GALNT13: variants seen among roughly 807,000 people sequenced by gnomAD.
GALNT13 encodes the protein polypeptide N-acetylgalactosaminyltransferase 13.
GALNT13 carries 28 observed loss-of-function variants against 64.2 expected under a neutral mutation model. The ratio of observed to expected loss-of-function variants is 0.44; its 90% CI spans 0.32 to 0.60. The LOEUF is 0.60. Ranked by LOEUF, GALNT13 falls within the 20% of genes least tolerant of loss-of-function variation. The pLI, the probability that GALNT13 is intolerant of heterozygous loss-of-function variation, is 0.05. For synonymous variants in GALNT13, 214 were observed against 224.6 expected (o/e 0.95, Z 0.42); for missense variants, 577 against 669.8 (o/e 0.86, Z 1.53).
chr2:153,999,039 G>GA (rs1224860164), intron 3 of GALNT13, among the ~76,000 whole-genome samples: 1 of 152,006 alleles, frequency 6.6e-6, no homozygotes, highest in African/African-American at 2.4e-5. Flanking sequence ...CACGGAATTA[G>GA]AAAAAACTAC....
chr2:154,258,276 C>T (rs755267561), intron 7 of GALNT13, among the ~76,000 whole-genome samples: 4 of 152,244 alleles, frequency 2.6e-5, no homozygotes, highest in East Asian at 1.9e-4. Context: ...CATCTGACTT[C>T]TCAGCTCCCA....
At chr2:153,145,893 A>G in the GALNT13 span, among the ~76,000 whole-genome samples, 2 of 151,926 alleles carry the variant, frequency 1.3e-5, no homozygotes, top group African/African-American at 4.8e-5. Context: ...GATTTCTGGA[A>G]CTCAACATAA....
chr2:154,242,043 G>T lies in GALNT13; in HGVS notation c.325G>T (p.Val109Phe). The T allele has an allele frequency of 1.9e-6, 3 of 1,598,794 alleles. No individual in the cohort carries two copies. Among genetic ancestry groups the T allele is most frequent in the Non-Finnish European group, 8.5e-7 (1 of 1,173,420 alleles). ...DVRLEGCKTKVYPDELPNTSV... is the reference protein window; with the variant it reads ...DVRLEGCKTKFYPDELPNTSV... ...TCTCTTTTTCAGATGTAAGACAAAAGTCTACCCTGATGAACTTCCAAACAC... is the reference window on the plus strand; with the variant it reads ...TCTCTTTTTCAGATGTAAGACAAAATTCTACCCTGATGAACTTCCAAACAC... Residue 109 changes from valine to phenylalanine, a missense_variant, in exon 5 of 13, where the codon GTC becomes TTC. Val to Phe is a conservative substitution (Grantham distance 50, BLOSUM62 -1). Coordinates refer to ENST00000392825, the MANE Select transcript of GALNT13 (RefSeq NM_052917.4).
chr2:153,073,313 T>A, the GALNT13 span, among the ~76,000 whole-genome samples: 1 of 151,994 alleles, frequency 6.6e-6, no homozygotes, highest in African/African-American at 2.4e-5. Context: ...TCTATTTATT[T>A]TTATTTCTAG....
the GALNT13 span, among the ~76,000 whole-genome samples, chr2:153,425,226 T>C: frequency 6.6e-6 from 1 of 151,462 alleles, no homozygotes; most frequent in African/African-American, 2.4e-5. Context: ...TTTGAAAAAA[T>C]AGAGAAAATT....
At chr2:153,850,831 A>T in the GALNT13 span, among the ~76,000 whole-genome samples, 1 of 152,158 alleles carries the variant, frequency 6.6e-6, no homozygotes, top group African/African-American at 2.4e-5. Context: ...AGCAACAGAA[A>T]GTAGAAGTAA....
At chr2:153,900,167 G>A (rs1048821005) in intron 1 of GALNT13, among the ~76,000 whole-genome samples, 4 of 151,714 alleles carry the variant, frequency 2.6e-5, no homozygotes, top group African/African-American at 9.7e-5. Context: ...TCATTAGGTT[G>A]TATTTTATTA....
chr2:153,237,212 T>C, the GALNT13 span, among the ~76,000 whole-genome samples: 1 of 152,014 alleles, frequency 6.6e-6, no homozygotes, highest in African/African-American at 2.4e-5. Flanking sequence ...AAAATTTTTT[T>C]GGGTACATAG....
At chr2:153,519,495 C>CT in the GALNT13 span, among the ~76,000 whole-genome samples, 66 of 152,046 alleles carry the variant, frequency 4.3e-4, no homozygotes, top group Admixed American at 7.9e-4. Flanking sequence ...GAAGCATTGT[C>CT]TTTTTTTTCT....
At chr2:153,523,650 G>T in the GALNT13 span, among the ~76,000 whole-genome samples, 2 of 152,104 alleles carry the variant, frequency 1.3e-5, no homozygotes, top group Non-Finnish European at 2.9e-5. Context: ...ATTGACTTTT[G>T]TATATTAACC....
chr2:154,242,831 A>T lies in GALNT13; in HGVS notation c.612A>T (p.Ile204=), dbSNP rs1689569727. 6.2e-7 allele frequency: 1 copy of T among 1,614,042 alleles called. No individual in the cohort carries two copies. The highest frequency in any genetic ancestry group is 1.3e-5 in the African/African-American group (1 of 74,928). ...RGAAASKGQV[I]TFLDAHCECT... Reference sequence around the variant, plus strand: ...CAGCTGCTTCAAAAGGGCAGGTCATAACTTTTCTTGATGCACACTGTGAAT... The same window carrying T: ...CAGCTGCTTCAAAAGGGCAGGTCATTACTTTTCTTGATGCACACTGTGAAT... Residue 204 remains isoleucine (I), a synonymous_variant, in exon 6 of 13, where the codon ATA becomes ATT. Transcript: ENST00000392825.
At chr2:154,392,815 T>C (rs1424796975) in intron 9 of GALNT13, among the ~76,000 whole-genome samples, 3 of 152,166 alleles carry the variant, frequency 2.0e-5, no homozygotes, top group Admixed American at 6.5e-5. Context: ...TAGAGGAATG[T>C]AAAATGTTTT....
At chr2:154,225,129 TA>T (rs373668200) in intron 4 of GALNT13, among the ~76,000 whole-genome samples, 71 of 109,496 alleles carry the variant, frequency 6.5e-4, no homozygotes, top group African/African-American at 2.1e-3. Context: ...GATAGATAGA[TA>T]GATAGATAGA....
the GALNT13 span, among the ~76,000 whole-genome samples, chr2:153,126,133 A>G: frequency 6.6e-6 from 1 of 151,436 alleles, no homozygotes; most frequent in South Asian, 2.1e-4. Context: ...CCACCAATAA[A>G]TCTTTAATAA....
chr2:154,342,618 C>A (rs538627500), intron 9 of GALNT13, among the ~76,000 whole-genome samples: 5 of 152,064 alleles, frequency 3.3e-5, no homozygotes, highest in African/African-American at 1.2e-4. Context: ...TTAATTACAA[C>A]ACACATGCTT....
chr2:153,242,836 A>G, the GALNT13 span, among the ~76,000 whole-genome samples: 2 of 152,212 alleles, frequency 1.3e-5, no homozygotes, highest in African/African-American at 4.8e-5. Context: ...GGCACCACAG[A>G]CCCCATTCTG....
chr2:153,819,312 C>T, the GALNT13 span, among the ~76,000 whole-genome samples: 1 of 152,164 alleles, frequency 6.6e-6, no homozygotes, highest in East Asian at 1.9e-4. Context: ...CCATGGCTGT[C>T]AATCACATTG....
At chr2:154,059,936 TG>T (rs1700086141) in intron 3 of GALNT13, among the ~76,000 whole-genome samples, 1 of 152,162 alleles carries the variant, frequency 6.6e-6, no homozygotes, top group Non-Finnish European at 1.5e-5. Flanking sequence ...TGAATTTTTG[TG>T]TCCTCCAAAA....
chr2:153,552,140 A>G, the GALNT13 span, among the ~76,000 whole-genome samples: 1 of 152,190 alleles, frequency 6.6e-6, no homozygotes, highest in Non-Finnish European at 1.5e-5. Context: ...CAACATGCAG[A>G]CTATTTGTGG....
Sources: allele counts gnomAD v4.1 joint callset (sites outside exome capture counted in the v4.1 genomes callset), GRCh38; gene constraint gnomAD v4.1.1; transcripts MANE v1.5; gene names NCBI Gene and HGNC (gene_info 2026-07-23, HGNC 2026-07-21).